ACOT6: variants seen among roughly 807,000 people sequenced by gnomAD.
ACOT6 encodes acyl-CoA thioesterase 6, also known as acyl-coenzyme A thioesterase 6.
ACOT6 carries 14 observed loss-of-function variants against 12.3 expected under a neutral mutation model. The observed-to-expected ratio is 1.14, with a 90% CI of 0.75 to 1.78. ACOT6 has a LOEUF of 1.78. ACOT6 is among the 40% of genes most tolerant of loss of function. ACOT6 has a pLI of 0.00. For synonymous variants in ACOT6, 218 were observed against 231.3 expected, an observed-to-expected ratio of 0.94 and a Z score of 0.52; for missense variants, 523 against 551.8, an observed-to-expected ratio of 0.95 and a Z score of 0.52.
chr14:73,612,494 T>C, upstream of ACOT6: 1 of 1,019,040 alleles, frequency 9.8e-7, no homozygotes, highest in Non-Finnish European at 1.3e-6. Flanking sequence ...CTCGACTACT[T>C]TCCAGCGCTC....
chr14:73,612,519 G>T lies in ACOT6; in HGVS notation c.-53G>T. 1 of 1,165,386 alleles carries T rather than the reference G, an allele frequency of 8.6e-7. No individual in the cohort carries two copies. The highest frequency in any genetic ancestry group is 1.1e-6 in the Non-Finnish European group (1 of 900,012). 72.2% of individuals were successfully genotyped at this position (1,165,386 alleles called of 1,614,324 possible). A position where few individuals can be genotyped will look rare whatever the true frequency, so the allele number is the denominator to read the frequency against. On this transcript the variant is annotated 5_prime_UTR_variant, in exon 1 of 3. Transcript: ENST00000645972. ...TTCCAGCGCTCGGCAAAGCCGCCAG[G>T]CCCGCCCACTGACTCCGCGGAGCTG...
chr14:73,615,806 C>G (rs534882285), intron 1 of ACOT6, among the ~76,000 whole-genome samples: 1 of 152,186 alleles, frequency 6.6e-6, no homozygotes, highest in Admixed American at 6.5e-5. Context: ...AATCCCAGCA[C>G]TTGAAGAGGC....
chr14:73,615,408 C>CAA (rs1555399076), intron 1 of ACOT6, among the ~76,000 whole-genome samples: 13 of 51,144 alleles, frequency 2.5e-4, no homozygotes, highest in African/African-American at 9.1e-4. Context: ...AAAAAAAAAA[C>CAA]AAAAAACAAA....
upstream of ACOT6, chr14:73,612,472 A>T: frequency 1.2e-6 from 1 of 829,060 alleles, no homozygotes; most frequent in Non-Finnish European, 1.7e-6. Context: ...GAGTAGTGTT[A>T]AGGGCTCCGC....
chr14:73,615,086 C>T (rs1442634676), intron 1 of ACOT6, among the ~76,000 whole-genome samples: 2 of 94,850 alleles, frequency 2.1e-5, no homozygotes, highest in Non-Finnish European at 4.0e-5. Context: ...AAGACTCCAT[C>T]TCAAAAAAAA....
At chr14:73,612,372 T>A (rs1178359141), upstream of ACOT6, 1 of 418,116 alleles carries the variant, frequency 2.4e-6, no homozygotes, top group Non-Finnish European at 4.1e-6. Flanking sequence ...TTTCAGCAGA[T>A]ACTCTTTCAT....
chr14:73,616,920 G>T, intron 1 of ACOT6, 74 bp from the exon 2 acceptor site: 1 of 572,480 alleles, frequency 1.7e-6, no homozygotes, highest in Non-Finnish European at 3.1e-6. Context: ...AATCTCCTTG[G>T]CTTCAAAAAC....
intron 2 of ACOT6, 144 bp from the exon 3 acceptor site, chr14:73,619,090 A>G (rs112062307): frequency 0.033 from 34,711 of 1,046,060 alleles, 757 homozygotes; most frequent in Admixed American, 0.078. Context: ...AGATTGCACC[A>G]CTGCACTCCA....
chr14:73,612,232 G>A (rs766282427), upstream of ACOT6, among the ~76,000 whole-genome samples: 5 of 152,034 alleles, frequency 3.3e-5, no homozygotes, highest in Non-Finnish European at 7.4e-5. Flanking sequence ...TAGAGATGAG[G>A]TTTCACTCTG....
Position 73,617,002 on chromosome 14 carries a change from T to G in ACOT6, c.470T>G (p.Phe157Cys). The change falls in exon 2 of 3, where the codon TTT (phenylalanine) becomes TGT (cysteine). Residue 157 changes from phenylalanine (F) to cysteine (C), a missense_variant. Transcript: ENST00000645972. Reference sequence around the variant, plus strand: ...TGATGTTCTCCAGGCAGGGGGCCCTTTCCTGGGATCATTGATCTGTTTGGG... The same window carrying G: ...TGATGTTCTCCAGGCAGGGGGCCCTGTCCTGGGATCATTGATCTGTTTGGG... Reference protein sequence around the residue: ...ALFLPPDEGPFPGIIDLFGSS... With the variant: ...ALFLPPDEGPCPGIIDLFGSS... The G allele has an allele frequency of 1.4e-6, 1 of 726,400 alleles. No homozygotes were observed. The highest frequency in any genetic ancestry group is 2.4e-6 in the Non-Finnish European group (1 of 417,464). 45.0% of individuals were successfully genotyped at this position (726,400 alleles called of 1,614,324 possible).
chr14:73,614,375 T>C (rs1269929106), intron 1 of ACOT6, among the ~76,000 whole-genome samples: 2 of 152,186 alleles, frequency 1.3e-5, no homozygotes, highest in Non-Finnish European at 2.9e-5. Context: ...GGGCTGGAAT[T>C]GGGTCTTACA....
At chr14:73,612,042 CTCTT>C (rs1283936616), upstream of ACOT6, among the ~76,000 whole-genome samples, 2 of 150,610 alleles carry the variant, frequency 1.3e-5, no homozygotes, top group Non-Finnish European at 3.0e-5. Context: ...TAGTCATTAA[CTCTT>C]TTTTTTTTTT....
rs912110056 is a variant in ACOT6 at position 73,619,402 on chromosome 14, G to A, written c.829G>A (p.Asp277Asn). ...YKDMIIPKLV[D>N]DLGKVKITKS... Reference sequence around the variant, plus strand: ...GGATATGATTATTCCTAAACTTGTCGATGATCTAGGAAAAGTAAAAATCAC... The same window carrying A: ...GGATATGATTATTCCTAAACTTGTCAATGATCTAGGAAAAGTAAAAATCAC... The change falls in exon 3 of 3, where the codon GAT becomes AAT. Residue 277 changes from aspartate to asparagine, a missense_variant. Physicochemically the swap from Asp to Asn is conservative, Grantham distance 23. This residue lies in a region of ACOT6 where 219 missense variants were observed against 277.0 expected (regional missense o/e 0.79). Coordinates refer to ENST00000645972, the MANE Select transcript of ACOT6 (RefSeq NM_001365788.1). 2.4e-5 allele frequency: 39 copies of A among 1,613,968 alleles called. No individual in the cohort carries two copies. Among genetic ancestry groups the A allele is most frequent in the Admixed American group, 1.8e-4 (11 of 59,976 alleles).
Position 73,619,271 on chromosome 14 carries a change from A to G in ACOT6, c.698A>G (p.Lys233Arg). ...GPSIALLGFS[K>R]GGDLCLSMAS... ...AGTATTGCGCTTCTTGGATTTTCCA[A>G]AGGAGGTGACCTGTGTCTCTCAATG... Residue 233 changes from lysine (K) to arginine (R), a missense_variant, in exon 3 of 3, where the codon AAA (lysine) becomes AGA (arginine). Coordinates refer to ENST00000645972, the MANE Select transcript of ACOT6 (RefSeq NM_001365788.1). The G allele has an allele frequency of 1.3e-6, 2 of 1,599,626 alleles. No individual in the cohort carries two copies. Among genetic ancestry groups the G allele is most frequent in the Non-Finnish European group, 1.7e-6 (2 of 1,175,706 alleles).
chr14:73,614,968 G>A lies in ACOT6; in HGVS notation c.461+1936G>A, dbSNP rs1890508650. Among the ~76,000 whole-genome samples, 3 of 150,566 alleles carry A rather than the reference G, an allele frequency of 2.0e-5. No homozygotes were observed. The South Asian group carries it at 6.3e-4, about 32-fold the overall frequency. On this transcript the variant is annotated intron_variant, in intron 1 of 2. Transcript: ENST00000645972. ...AAAAGTTAGCCGGGCATGGTGGTGG[G>A]TGCCTGTAATCTCAGGAGGCTGAGG...
At chr14:73,617,277 A>T in intron 2 of ACOT6, 85 bp downstream of exon 2, 1 of 1,560,004 alleles carries the variant, frequency 6.4e-7, no homozygotes, top group Non-Finnish European at 8.8e-7. Flanking sequence ...CAGAACACTG[A>T]GAACTAGAAA....
At chr14:73,617,218 C>A (rs1377780877) in intron 2 of ACOT6, 26 bp downstream of exon 2, 1 of 1,614,068 alleles carries the variant, frequency 6.2e-7, no homozygotes, top group Non-Finnish European at 8.5e-7. Context: ...CACCTGAGTG[C>A]AGAAGAGAGG....
Position 73,612,521 on chromosome 14 carries a change from C to G in ACOT6, c.-51C>G. 2 of 1,173,930 alleles carry G rather than the reference C, an allele frequency of 1.7e-6. No homozygotes were observed. The highest frequency in any genetic ancestry group is 2.2e-6 in the Non-Finnish European group (2 of 907,174). The allele number at this position is 1,173,930 out of a possible 1,614,324, so 72.7% of individuals were successfully genotyped here. A position where few individuals can be genotyped will look rare whatever the true frequency, so the allele number is the denominator to read the frequency against. On this transcript the variant is annotated 5_prime_UTR_variant, in exon 1 of 3. Transcript: ENST00000645972. The stretch of plus-strand genomic sequence containing the variant: ...CCAGCGCTCGGCAAAGCCGCCAGGC[C>G]CGCCCACTGACTCCGCGGAGCTGGG...
chr14:73,615,419 AAAAAC>A, intron 1 of ACOT6, among the ~76,000 whole-genome samples: 2 of 145,906 alleles, frequency 1.4e-5, no homozygotes, highest in African/African-American at 2.5e-5. Flanking sequence ...AAAAAACAAA[AAAAAC>A]CAGCAACAAC....
Sources: allele counts gnomAD v4.1 joint callset (sites outside exome capture counted in the v4.1 genomes callset), GRCh38; gene constraint gnomAD v4.1.1; regional missense constraint gnomAD v4.1.1; transcripts MANE v1.5; gene names NCBI Gene and HGNC (gene_info 2026-07-23, HGNC 2026-07-21).